Variants in SUMF1 observed in about 807,000 individuals in gnomAD.
SUMF1 encodes the protein formylglycine-generating enzyme.
In SUMF1, 48 loss-of-function variants were observed where a neutral mutation model predicts 47.6. The ratio of observed to expected loss-of-function variants is 1.01; its 90% CI spans 0.80 to 1.28. The LOEUF (loss-of-function observed/expected upper bound fraction) is 1.28, where lower values mean the gene tolerates loss of function less well. Among genes scored for constraint, SUMF1 ranks in the 50% most tolerant of loss-of-function variants. The probability of loss-of-function intolerance (pLI) is 0.00; values close to 1 mark genes in which losing one functional copy is unlikely to be tolerated. For synonymous variants in SUMF1, 230 were observed against 192.1 expected, an observed-to-expected ratio of 1.20 and a Z score of -1.63; for missense variants, 571 against 485.4, an observed-to-expected ratio of 1.18 and a Z score of -1.66.
intron 8 of SUMF1, among the ~76,000 whole-genome samples, chr3:4,323,954 A>C (rs1337663654): frequency 1.3e-5 from 2 of 152,210 alleles, no homozygotes; most frequent in Non-Finnish European, 2.9e-5. Flanking sequence ...ATTACTTAGA[A>C]TTCCAATTCC....
chr3:4,415,893 AG>A (rs1477530238), intron 6 of SUMF1, among the ~76,000 whole-genome samples: 1 of 152,208 alleles, frequency 6.6e-6, no homozygotes, highest in Non-Finnish European at 1.5e-5. Flanking sequence ...GCCTTCTGCC[AG>A]GGGAGGACAC....
rs762803103 is a variant in SUMF1, at chr3:4,452,959, T to C, written c.361A>G (p.Ile121Val). Residue 121 changes from isoleucine to valine, a missense_variant, in exon 2 of 9, where the codon ATT becomes GTT. Physicochemically the swap from Ile to Val is conservative, Grantham distance 29 (BLOSUM62 3). Coordinates refer to ENST00000272902, the MANE Select transcript of SUMF1 (RefSeq NM_182760.4). ...TAGGCATCCATGTAAAAGGCATCAA[T>C]AGTAACTCTCCTCGCAGGTGCTTCC... ...DGEAPARRVTIDAFYMDAYEV... is the reference protein window; with the variant it reads ...DGEAPARRVTVDAFYMDAYEV... 3 of 1,614,186 alleles carry C rather than the reference T, an allele frequency of 1.9e-6. No individual in the cohort carries two copies. The East Asian group carries it at 6.7e-5, about 36-fold the overall frequency.
intron 8 of SUMF1, among the ~76,000 whole-genome samples, chr3:4,097,286 C>T (rs2125058194): frequency 6.6e-6 from 1 of 152,214 alleles, no homozygotes; most frequent in South Asian, 2.1e-4. Flanking sequence ...CACGGTGGCT[C>T]ACGCCTGTAA....
At chr3:4,396,045 C>T (rs1410866411) in intron 7 of SUMF1, among the ~76,000 whole-genome samples, 1 of 152,198 alleles carries the variant, frequency 6.6e-6, no homozygotes, top group East Asian at 1.9e-4. Context: ...AAAGGTGGAA[C>T]TATTAACACT....
chr3:4,431,108 G>A (rs984371435), intron 3 of SUMF1, among the ~76,000 whole-genome samples: 15 of 152,186 alleles, frequency 9.9e-5, no homozygotes, highest in Non-Finnish European at 7.3e-5. Context: ...GGGAAGTCCA[G>A]ATTTATACCT....
rs565092493 is a variant in SUMF1 at position 4,361,178 on chromosome 3, T to G, written c.*966A>C. On this transcript the variant is annotated 3_prime_UTR_variant, in exon 9 of 9. Transcript: ENST00000272902. ...TAGCAGATACGTTTATTCAACACAG[T>G]GCATGATTCAAAGCATCGGATATTC... The G allele has an allele frequency of 2.0e-5, 3 of 152,426 alleles. No individual in the cohort carries two copies. Among genetic ancestry groups the G allele is most frequent in the Non-Finnish European group, 2.9e-5 (2 of 68,042 alleles). 9.4% of individuals were successfully genotyped at this position (152,426 alleles called of 1,614,324 possible). A position where few individuals can be genotyped will look rare whatever the true frequency, so the allele number is the denominator to read the frequency against.
At chr3:4,101,213 T>C (rs541581875) in intron 8 of SUMF1, among the ~76,000 whole-genome samples, 1 of 152,230 alleles carries the variant, frequency 6.6e-6, no homozygotes, top group Non-Finnish European at 1.5e-5. Context: ...GAAGCATTAT[T>C]CGCAAGAGTC....
At position 4,355,261 on chromosome 3, in the gene SUMF1, TG is replaced by T. The variant is rs553806404; in HGVS notation, c.1014+21068del. On this transcript the variant is annotated intron_variant and NMD_transcript_variant, in intron 8 of 12. Transcript: ENST00000448413. ...GTCCCAGATACTCAGAAGGCTGAGG[TG>T]GGGGGGATCACCTGAGCCTAGGAGG... is the stretch of plus-strand genomic sequence containing the variant. Among the ~76,000 whole-genome samples the T allele has an allele frequency of 3.6e-3, 551 of 152,024 alleles. 6 individuals carry two copies. Among genetic ancestry groups the T allele is most frequent in the African/African-American group, 0.013 (528 of 41,474 alleles).
chr3:4,228,899 G>A (rs765419267), intron 8 of SUMF1, among the ~76,000 whole-genome samples: 5 of 151,986 alleles, frequency 3.3e-5, no homozygotes, highest in Admixed American at 1.3e-4. Context: ...TCCAAATTGC[G>A]AATACAGAAA....
At chr3:4,174,356 CA>C (rs547741138) in intron 8 of SUMF1, among the ~76,000 whole-genome samples, 1,406 of 112,358 alleles carry the variant, frequency 0.013, 10 homozygotes, top group Middle Eastern at 0.034. Flanking sequence ...ACTCCGTCTC[CA>C]AAAAAAAAAA....
At chr3:4,415,460 C>T (rs1301069587) in intron 6 of SUMF1, among the ~76,000 whole-genome samples, 2 of 146,806 alleles carry the variant, frequency 1.4e-5, no homozygotes, top group South Asian at 2.1e-4. Context: ...AAACTCTTAC[C>T]AAGAAAAGTT....
chr3:4,146,499 C>T (rs1309141428), intron 8 of SUMF1, among the ~76,000 whole-genome samples: 2 of 151,726 alleles, frequency 1.3e-5, no homozygotes, highest in East Asian at 3.9e-4. Flanking sequence ...AACAAAAAGT[C>T]GGTAGTTATA....
At chr3:4,350,007 T>C (rs980155266) in intron 8 of SUMF1, among the ~76,000 whole-genome samples, 4 of 151,564 alleles carry the variant, frequency 2.6e-5, no homozygotes, top group Admixed American at 1.3e-4. Flanking sequence ...ATTTTCTTTT[T>C]TTTTTTTTTC....
chr3:4,338,557 C>A (rs1699202173), intron 8 of SUMF1, among the ~76,000 whole-genome samples: 1 of 152,156 alleles, frequency 6.6e-6, no homozygotes, highest in Non-Finnish European at 1.5e-5. Context: ...TCCCTGAGCT[C>A]ATAATTCATT....
At chr3:4,141,933 A>G (rs1054066522) in intron 8 of SUMF1, among the ~76,000 whole-genome samples, 5 of 152,118 alleles carry the variant, frequency 3.3e-5, no homozygotes, top group African/African-American at 1.2e-4. Context: ...TGTTTTCAAA[A>G]ATTGCTCAAG....
At chr3:4,254,646 C>A (rs1258320279) in intron 8 of SUMF1, among the ~76,000 whole-genome samples, 1 of 121,502 alleles carries the variant, frequency 8.2e-6, no homozygotes, top group Admixed American at 8.2e-5. Context: ...GATTGGTGTA[C>A]CTGAAAGTGA....
chr3:4,256,541 A>G (rs1405071223), intron 8 of SUMF1, among the ~76,000 whole-genome samples: 1 of 146,932 alleles, frequency 6.8e-6, no homozygotes, highest in Non-Finnish European at 1.5e-5. Flanking sequence ...TCCTCGACAC[A>G]TACACTCTCC....
At chr3:4,153,060 A>G (rs1429407328) in intron 8 of SUMF1, among the ~76,000 whole-genome samples, 1 of 151,542 alleles carries the variant, frequency 6.6e-6, no homozygotes, top group Non-Finnish European at 1.5e-5. Context: ...AGCTCTCAGA[A>G]CCCTGCAAAG....
In SUMF1 at chr3:4,193,894, C is replaced by T. The variant is rs73118099; in HGVS notation, c.1015-125149G>A. ...AGAATTAGCCAATTCATAAAAAGTA[C>T]GTAAAACAGTATATGACATGTAAGA... is the stretch of plus-strand genomic sequence containing the variant. On this transcript the variant is annotated intron_variant and NMD_transcript_variant, in intron 8 of 12. Transcript: ENST00000448413. Among the ~76,000 whole-genome samples the T allele has an allele frequency of 8.6e-3, 1,309 of 152,108 alleles. 20 individuals are homozygous for T. The highest frequency in any genetic ancestry group is 0.03 in the African/African-American group (1,240 of 41,506).
Sources: allele counts gnomAD v4.1 joint callset (sites outside exome capture counted in the v4.1 genomes callset), GRCh38; gene constraint gnomAD v4.1.1; transcripts MANE v1.5; gene names NCBI Gene and HGNC (gene_info 2026-07-23, HGNC 2026-07-21).